PTPRT: variants seen among roughly 807,000 people sequenced by gnomAD.
The protein encoded by PTPRT is receptor-type tyrosine-protein phosphatase T.
A neutral mutation model predicts 176.8 loss-of-function variants in PTPRT; 56 were observed. That is an observed-to-expected ratio of 0.32 (90% confidence interval 0.26 to 0.40). PTPRT has a LOEUF of 0.40. PTPRT is among the 10% of genes least tolerant of loss of function. The pLI is 1.00. For synonymous variants in PTPRT, 783 were observed against 739.0 expected (o/e 1.06, Z -0.96); for missense variants, 1,540 against 1,908.2 (o/e 0.81, Z 3.60).
At chr20:42,615,223 G>A (rs1474918323) in intron 7 of PTPRT, among the ~76,000 whole-genome samples, 1 of 134,586 alleles carries the variant, frequency 7.4e-6, no homozygotes, top group Non-Finnish European at 1.5e-5. Context: ...TACTGAGAAT[G>A]ATGATTTCCA....
At chr20:42,896,566 C>T (rs953735073) in intron 1 of PTPRT, among the ~76,000 whole-genome samples, 18 of 143,328 alleles carry the variant, frequency 1.3e-4, no homozygotes, top group African/African-American at 3.1e-4. Context: ...ACCTGGGAGG[C>T]GGAGGTTGTG....
chr20:42,132,328 A>C (rs1315454300), intron 18 of PTPRT, among the ~76,000 whole-genome samples: 1 of 152,184 alleles, frequency 6.6e-6, no homozygotes, highest in Non-Finnish European at 1.5e-5. Flanking sequence ...ATGGCATGAG[A>C]GGATTAAATG....
At chr20:42,715,677 ATCTT>A (rs1241514406) in intron 6 of PTPRT, among the ~76,000 whole-genome samples, 3 of 152,192 alleles carry the variant, frequency 2.0e-5, no homozygotes, top group Admixed American at 6.5e-5. Context: ...GCAGAAAAAT[ATCTT>A]TAACACATTT....
chr20:42,445,105 C>T (rs532896994), intron 9 of PTPRT, among the ~76,000 whole-genome samples: 1 of 152,282 alleles, frequency 6.6e-6, no homozygotes, highest in East Asian at 1.9e-4. Flanking sequence ...CCAGGTCATG[C>T]TAATGCCGCT....
chr20:42,947,610 T>G (rs1314079139), intron 1 of PTPRT, among the ~76,000 whole-genome samples: 1 of 152,224 alleles, frequency 6.6e-6, no homozygotes. Context: ...AGCCTCACTT[T>G]CATATTACAG....
chr20:42,052,553 A>T, the PTPRT span, among the ~76,000 whole-genome samples: 2 of 152,206 alleles, frequency 1.3e-5, no homozygotes, highest in Non-Finnish European at 2.9e-5. Flanking sequence ...CCTTCAGCAG[A>T]GGGGCAGTGG....
chr20:42,098,390 C>A (rs751992656), intron 27 of PTPRT, 31 bp downstream of exon 27: 12 of 1,611,878 alleles, frequency 7.4e-6, no homozygotes, highest in Non-Finnish European at 1.0e-5. Context: ...CCCCCCTGAC[C>A]CACCTAGGGC....
chr20:42,845,560 ACT>A (rs1401141472), intron 2 of PTPRT, among the ~76,000 whole-genome samples: 1 of 151,712 alleles, frequency 6.6e-6, no homozygotes, highest in Admixed American at 6.6e-5. Flanking sequence ...GGAATCCTGG[ACT>A]CTCCTTGTTG....
chr20:42,379,725 T>C (rs1210959639), intron 9 of PTPRT, among the ~76,000 whole-genome samples: 1 of 152,252 alleles, frequency 6.6e-6, no homozygotes, highest in African/African-American at 2.4e-5. Flanking sequence ...TAATTTGAAC[T>C]TCCTTCTTCT....
chr20:42,530,023 A>G (rs1300512411), intron 7 of PTPRT, among the ~76,000 whole-genome samples: 1 of 152,124 alleles, frequency 6.6e-6, no homozygotes, highest in African/African-American at 2.4e-5. Flanking sequence ...CTGAAAGAGC[A>G]CAGCAAGGCT....
At chr20:42,194,237 A>ACAGCACAGGGG (rs1991111099) in intron 16 of PTPRT, among the ~76,000 whole-genome samples, 1 of 152,230 alleles carries the variant, frequency 6.6e-6, no homozygotes, top group Admixed American at 6.5e-5. Flanking sequence ...CACATGGCTT[A>ACAGCACAGGGG]CAGCACAGGG....
chr20:42,936,935 A>T (rs1237996477), intron 1 of PTPRT, among the ~76,000 whole-genome samples: 3 of 152,174 alleles, frequency 2.0e-5, no homozygotes, highest in African/African-American at 7.2e-5. Context: ...TCAAAGTTAG[A>T]ACCTCTGAAA....
chr20:42,636,640 C>A (rs2074607327), intron 7 of PTPRT, among the ~76,000 whole-genome samples: 1 of 151,900 alleles, frequency 6.6e-6, no homozygotes, highest in Admixed American at 6.6e-5. Context: ...CAAAAATTAG[C>A]TGGGCATGGT....
At chr20:42,302,864 T>C (rs2057490475) in intron 12 of PTPRT, among the ~76,000 whole-genome samples, 1 of 152,212 alleles carries the variant, frequency 6.6e-6, no homozygotes, top group South Asian at 2.1e-4. Context: ...GTTTAAGCCA[T>C]GGCTCTGATC....
At chr20:42,997,848 A>C (rs1351499365) in intron 1 of PTPRT, among the ~76,000 whole-genome samples, 2 of 152,130 alleles carry the variant, frequency 1.3e-5, no homozygotes, top group Non-Finnish European at 2.9e-5. Context: ...CTCCAGTCTC[A>C]CTTCATATTA....
At chr20:42,634,082 AT>A (rs2074535166) in intron 7 of PTPRT, among the ~76,000 whole-genome samples, 1 of 43,310 alleles carries the variant, frequency 2.3e-5, no homozygotes, top group Non-Finnish European at 4.0e-5. Flanking sequence ...TATAATATAT[AT>A]ATAATATAAT....
chr20:42,299,017 T>G (rs2057423577), intron 12 of PTPRT, among the ~76,000 whole-genome samples: 1 of 152,066 alleles, frequency 6.6e-6, no homozygotes, highest in African/African-American at 2.4e-5. Flanking sequence ...TACCCAAGTA[T>G]CTATAGTATG....
At position 42,627,228 on chromosome 20, in the gene PTPRT, G is replaced by C. The variant is rs191895301; in HGVS notation, c.1153+50638C>G. On this transcript the variant is annotated intron_variant, in intron 7 of 30. Transcript: ENST00000373187. ...AATCATATGTTTATCATGAAAAGTA[G>C]CACTAATGTGGTAGGCAGACTGTTT... Among the ~76,000 whole-genome samples, 4 of 151,620 alleles carry C rather than the reference G, an allele frequency of 2.6e-5. No homozygotes were observed. The Admixed American group carries it at 2.6e-4, about 10-fold the overall frequency.
chr20:42,315,559 C>G (rs2057708258), intron 12 of PTPRT, among the ~76,000 whole-genome samples, 164 bp downstream of exon 12: 2 of 152,198 alleles, frequency 1.3e-5, no homozygotes, highest in Admixed American at 6.5e-5. Flanking sequence ...TGTAAATGAA[C>G]AGGCATAGCT....
Sources: allele counts gnomAD v4.1 joint callset (sites outside exome capture counted in the v4.1 genomes callset), GRCh38; gene constraint gnomAD v4.1.1; transcripts MANE v1.5; gene names NCBI Gene and HGNC (gene_info 2026-07-23, HGNC 2026-07-21).